DOCK7: variants seen among roughly 807,000 people sequenced by gnomAD.
DOCK7 encodes the protein dedicator of cytokinesis protein 7.
In DOCK7, 138 loss-of-function variants were observed where a neutral mutation model predicts 271.0. That is an observed-to-expected ratio of 0.51 (90% CI 0.44 to 0.59). The LOEUF is 0.59. Among genes scored for constraint, DOCK7 ranks in the 20% least tolerant of loss-of-function variants. The probability of loss-of-function intolerance (pLI) is 0.00; values close to 1 mark genes in which losing one functional copy is unlikely to be tolerated. For synonymous variants in DOCK7, 823 were observed against 876.1 expected (o/e 0.94, Z 1.07); for missense variants, 2,066 against 2,592.4 (o/e 0.80, Z 4.41).
At chr1:62,466,255 GA>G (rs908589753) in intron 48 of DOCK7, among the ~76,000 whole-genome samples, 17 of 149,342 alleles carry the variant, frequency 1.1e-4, no homozygotes, top group African/African-American at 4.2e-4. Context: ...GCCCTATTTA[GA>G]AAAAAAAATG....
chr1:62,521,542 C>T (rs548150195), intron 31 of DOCK7, among the ~76,000 whole-genome samples: 4 of 152,050 alleles, frequency 2.6e-5, no homozygotes, highest in East Asian at 1.9e-4. Context: ...AGAAAAGGTA[C>T]AAAAATCTAG....
chr1:62,475,257 T>C lies in DOCK7; in HGVS notation c.6056A>G (p.Lys2019Arg), dbSNP rs1571219979. 1 of 1,613,962 alleles carries C rather than the reference T, an allele frequency of 6.2e-7. No homozygotes were observed. The highest frequency in any genetic ancestry group is 8.5e-7 in the Non-Finnish European group (1 of 1,179,926). ...TCCCTGGAGTACCATCTGAAGCATT[T>C]TGGGGTCTGCGGGATCCTGATGTGT... ...FATHQDPADPKMLQMVLQGSV... is the reference protein window; with the variant it reads ...FATHQDPADPRMLQMVLQGSV... Residue 2019 changes from lysine (K) to arginine (R), a missense_variant, in exon 47 of 50, where the codon AAA (lysine) becomes AGA (arginine). By Grantham distance (26) the Lys-to-Arg change is conservative. Transcript: ENST00000635253.
chr1:62,485,669 A>G, intron 43 of DOCK7: 1 of 985,406 alleles, frequency 1.0e-6, no homozygotes, highest in Non-Finnish European at 1.2e-6. Flanking sequence ...CACAATAGAC[A>G]ATAGTAAAAG....
chr1:62,575,482 T>C (rs924925215), intron 18 of DOCK7, among the ~76,000 whole-genome samples: 3 of 152,228 alleles, frequency 2.0e-5, no homozygotes, highest in African/African-American at 7.2e-5. Flanking sequence ...TATATCACTT[T>C]AAGAATATGG....
chr1:62,636,467 T>G, intron 8 of DOCK7, 70 bp downstream of exon 8: 1 of 1,242,284 alleles, frequency 8.0e-7, no homozygotes, highest in Non-Finnish European at 1.1e-6. Context: ...AAAATCAATC[T>G]TATAAAACAA....
intron 48 of DOCK7, among the ~76,000 whole-genome samples, chr1:62,460,249 A>C (rs1448329045): frequency 2.0e-5 from 3 of 152,242 alleles, no homozygotes; most frequent in Non-Finnish European, 4.4e-5. Flanking sequence ...CACCCATAAA[A>C]ATAATTGTAA....
Position 62,503,064 on chromosome 1 carries a change from G to A in DOCK7, c.4764+1566C>T, listed in dbSNP as rs956689683. ...GAATAAAGGTTTTAAGTAAAACCAA[G>A]ACGAGTTCTTTTAAATTCCAAAGGA... On this transcript the variant is annotated intron_variant, in intron 37 of 49. Transcript: ENST00000635253. Among the ~76,000 whole-genome samples, 10 of 152,226 alleles carry A rather than the reference G, an allele frequency of 6.6e-5. 1 individual carries two copies. Among genetic ancestry groups the A allele is most frequent in the South Asian group, 4.1e-4 (2 of 4,824 alleles).
At chr1:62,675,180 T>C (rs1469029460) in intron 1 of DOCK7, among the ~76,000 whole-genome samples, 2 of 152,180 alleles carry the variant, frequency 1.3e-5, no homozygotes, top group East Asian at 1.9e-4. Context: ...TTTGGCAGGC[T>C]GAGCGGGGAG....
chr1:62,583,373 T>C, intron 15 of DOCK7, 119 bp from the exon 16 acceptor site: 1 of 812,894 alleles, frequency 1.2e-6, no homozygotes, highest in South Asian at 1.7e-5. Context: ...ATCAGCCCAA[T>C]GAAGAACAAT....
intron 1 of DOCK7, among the ~76,000 whole-genome samples, chr1:62,681,580 C>T (rs953600085): frequency 6.6e-6 from 1 of 150,838 alleles, no homozygotes; most frequent in Non-Finnish European, 1.5e-5. Flanking sequence ...AAAAAGATTG[C>T]CATCTATGAC....
At chr1:62,609,024 A>G (rs1651405164) in intron 14 of DOCK7, 1 of 152,168 alleles carries the variant, frequency 6.6e-6, no homozygotes, top group Non-Finnish European at 1.5e-5. Context: ...TAACAGCCAT[A>G]AACTCTGCAC....
chr1:62,537,385 C>T (rs868125752), intron 28 of DOCK7, among the ~76,000 whole-genome samples: 1 of 151,818 alleles, frequency 6.6e-6, no homozygotes. Context: ...AGATTGAGAC[C>T]ATCCTGGACA....
chr1:62,666,964 T>A (rs911846883), intron 1 of DOCK7, among the ~76,000 whole-genome samples: 6 of 152,244 alleles, frequency 3.9e-5, no homozygotes, highest in Non-Finnish European at 5.9e-5. Context: ...ACATTACAGT[T>A]TTCACAAAAG....
intron 1 of DOCK7, among the ~76,000 whole-genome samples, chr1:62,669,369 G>T (rs1047235334): frequency 7.2e-5 from 11 of 152,292 alleles, no homozygotes; most frequent in African/African-American, 2.2e-4. Context: ...AAAGTATGGT[G>T]GGGGGAAAAG....
chr1:62,626,041 G>A (rs1653909409), intron 11 of DOCK7, among the ~76,000 whole-genome samples: 1 of 152,074 alleles, frequency 6.6e-6, no homozygotes, highest in Admixed American at 6.6e-5. Flanking sequence ...ATATAAAAAT[G>A]TTCTCCAACA....
intron 1 of DOCK7, among the ~76,000 whole-genome samples, chr1:62,670,156 A>G (rs1034913080): frequency 6.6e-6 from 1 of 152,186 alleles, no homozygotes; most frequent in Non-Finnish European, 1.5e-5. Flanking sequence ...GCAGCCCGCC[A>G]TGCCTGAGCC....
chr1:62,478,430 T>G (rs1646027243), intron 43 of DOCK7: 1 of 152,142 alleles, frequency 6.6e-6, no homozygotes. Context: ...ATTATTATTA[T>G]TTAGATGGCG....
At chr1:62,544,453 G>A (rs534219341) in intron 23 of DOCK7, among the ~76,000 whole-genome samples, 75 of 152,230 alleles carry the variant, frequency 4.9e-4, no homozygotes, top group Non-Finnish European at 8.5e-4. Context: ...CTTATAGCAC[G>A]GGGATCATAT....
At chr1:62,579,079 T>C in intron 16 of DOCK7, 113 bp from the exon 17 acceptor site, 2 of 1,039,864 alleles carry the variant, frequency 1.9e-6, no homozygotes, top group Non-Finnish European at 2.6e-6. Flanking sequence ...ATTTTTCCTC[T>C]AGTCCAAAAT....
Sources: gnomAD v4.1 joint callset for allele counts (sites outside exome capture counted in the v4.1 genomes callset) on GRCh38, gnomAD v4.1.1 for gene constraint, MANE v1.5 for transcripts, NCBI Gene and HGNC (gene_info 2026-07-23, HGNC 2026-07-21) for gene names.